NAF1: variants seen among roughly 807,000 people sequenced by gnomAD.
The protein encoded by NAF1 is nuclear assembly factor 1 ribonucleoprotein, also known as H/ACA ribonucleoprotein complex non-core subunit NAF1.
NAF1 carries 11 observed loss-of-function variants against 40.6 expected under a neutral mutation model. That is an observed-to-expected ratio of 0.27 (90% confidence interval 0.17 to 0.45). The LOEUF (loss-of-function observed/expected upper bound fraction) is 0.45, where lower values mean the gene tolerates loss of function less well. NAF1 is among the 20% of genes least tolerant of loss of function. The pLI is 1.00. For missense variants in NAF1, 607 were observed against 611.1 expected, an observed-to-expected ratio of 0.99 and a Z score of 0.07; for synonymous variants, 260 against 228.5, an observed-to-expected ratio of 1.14 and a Z score of -1.24.
chr4:163,132,628 T>C (rs1309470165), intron 7 of NAF1, among the ~76,000 whole-genome samples: 4 of 152,192 alleles, frequency 2.6e-5, no homozygotes, highest in Admixed American at 2.0e-4. Context: ...TCTCTGGTGA[T>C]GGAAATGTTG....
At chr4:163,126,847 AG>A, downstream of NAF1, 4 of 1,316,556 alleles carry the variant, frequency 3.0e-6, no homozygotes, top group South Asian at 6.6e-5. Flanking sequence ...AGCGGCCAAC[AG>A]CACTTGAGTC....
downstream of NAF1, among the ~76,000 whole-genome samples, chr4:163,122,606 A>G (rs1579128421): frequency 6.6e-6 from 1 of 152,220 alleles, no homozygotes; most frequent in Non-Finnish European, 1.5e-5. Context: ...GTATCCTACT[A>G]TAGTTTGACT....
At chr4:163,117,497 G>A (rs1730374019) in intron 2 of NAF1, 1 of 151,750 alleles carries the variant, frequency 6.6e-6, no homozygotes, top group African/African-American at 2.4e-5. Context: ...GTTGCTCCAA[G>A]AGATTTACAG....
downstream of NAF1, among the ~76,000 whole-genome samples, chr4:163,105,158 TTAAGA>T (rs1730033744): frequency 6.6e-6 from 1 of 152,194 alleles, no homozygotes; most frequent in African/African-American, 2.4e-5. Context: ...GGTGCAGAGG[TTAAGA>T]TATCAGCCAT....
At chr4:163,124,276 T>G (rs1239256749), downstream of NAF1, among the ~76,000 whole-genome samples, 2 of 152,140 alleles carry the variant, frequency 1.3e-5, no homozygotes, top group Admixed American at 1.3e-4. Context: ...TGATGGTTGC[T>G]CTCTGCTTAC....
intron 2 of NAF1, among the ~76,000 whole-genome samples, chr4:163,160,443 T>G (rs187085419): frequency 6.7e-6 from 1 of 148,572 alleles, no homozygotes; most frequent in African/African-American, 2.6e-5. Flanking sequence ...AATTATATCT[T>G]TCTAAGGTTT....
At chr4:163,112,459 C>A (rs943217985) in intron 2 of NAF1, among the ~76,000 whole-genome samples, 17 of 152,098 alleles carry the variant, frequency 1.1e-4, no homozygotes, top group African/African-American at 3.6e-4. Context: ...AGAGGAAACA[C>A]ATGGATGGAG....
chr4:163,129,346 C>T lies in NAF1; in HGVS notation c.1036G>A (p.Glu346Lys), dbSNP rs1384711416. 33 of 1,600,368 alleles carry T rather than the reference C, an allele frequency of 2.1e-5. No homozygotes were observed. The highest frequency in any genetic ancestry group is 2.8e-5 in the Non-Finnish European group (33 of 1,168,442). The change falls in exon 8 of 8, where the codon GAA becomes AAA. Residue 346 changes from glutamate (E) to lysine (K), a missense_variant and splice_region_variant. Physicochemically the swap from Glu to Lys is moderately conservative, Grantham distance 56 (BLOSUM62 1). Coordinates refer to ENST00000274054, the MANE Select transcript of NAF1 (RefSeq NM_138386.3). ...KLKSEFNEPG[E>K]DFTEVHQNWN... ...TTCTGATGTACTTCAGTAAAATCTT[C>T]ACCTTTGAGTGAGGGGAGGGAAAAC...
chr4:163,156,675 A>G (rs1490304593), intron 2 of NAF1, among the ~76,000 whole-genome samples: 2 of 152,086 alleles, frequency 1.3e-5, no homozygotes, highest in Non-Finnish European at 2.9e-5. Flanking sequence ...GGCATTAACA[A>G]TATCAATTTA....
At chr4:163,107,437 T>C (rs569998111), downstream of NAF1, among the ~76,000 whole-genome samples, 17 of 152,228 alleles carry the variant, frequency 1.1e-4, no homozygotes, top group African/African-American at 3.9e-4. Context: ...CCAGGTACAC[T>C]GTGCTCTCGC....
At chr4:163,127,430 G>A (rs902382979), downstream of NAF1, among the ~76,000 whole-genome samples, 3 of 152,058 alleles carry the variant, frequency 2.0e-5, no homozygotes, top group South Asian at 2.1e-4. Context: ...GCACCCGGCC[G>A]AAATGGACAG....
chr4:163,146,463 G>A (rs190108378), intron 3 of NAF1, among the ~76,000 whole-genome samples: 1 of 152,064 alleles, frequency 6.6e-6, no homozygotes, highest in Non-Finnish European at 1.5e-5. Context: ...TTAAAGAACT[G>A]ATCTACCATA....
intron 5 of NAF1, among the ~76,000 whole-genome samples, chr4:163,138,399 G>C (rs1295310673): frequency 6.6e-6 from 1 of 151,998 alleles, no homozygotes; most frequent in African/African-American, 2.4e-5. Flanking sequence ...TGGAATCACA[G>C]ACATAAATGG....
chr4:163,148,486 TAAA>T lies in NAF1; in HGVS notation c.541-55_541-53del, dbSNP rs754068605. On this transcript the variant is annotated intron_variant, in intron 2 of 7. Coordinates refer to ENST00000274054, the MANE Select transcript of NAF1 (RefSeq NM_138386.3). ...TAAACTTCCTCCAGCTTCAACAACT[TAAA>T]AAAAATAAATTTTCCATTTTAAGTG... is the stretch of plus-strand genomic sequence containing the variant. 6 of 1,256,782 alleles carry T rather than the reference TAAA, an allele frequency of 4.8e-6. No homozygotes were observed. The African/African-American group carries it at 7.7e-5, about 16-fold the overall frequency. The allele number at this position is 1,256,782 out of a possible 1,614,324, so 77.9% of individuals were successfully genotyped here. A position where few individuals can be genotyped will look rare whatever the true frequency, so the allele number is the denominator to read the frequency against.
chr4:163,141,828 T>C (rs1731273281), intron 4 of NAF1: 1 of 433,214 alleles, frequency 2.3e-6, no homozygotes, highest in Non-Finnish European at 3.1e-6. Context: ...TTTTATCACA[T>C]CCTCAGTTCT....
At chr4:163,105,665 T>C (rs922442673), downstream of NAF1, among the ~76,000 whole-genome samples, 1 of 152,214 alleles carries the variant, frequency 6.6e-6, no homozygotes, top group African/African-American at 2.4e-5. Context: ...CAAAATTTCA[T>C]CCCTACAAAA....
chr4:163,119,440 T>C (rs1730450615), intron 2 of NAF1: 1 of 152,144 alleles, frequency 6.6e-6, no homozygotes, highest in African/African-American at 2.4e-5. Flanking sequence ...CCATGGAATC[T>C]CCCGAGAAAA....
chr4:163,107,504 G>A (rs563696944), downstream of NAF1, among the ~76,000 whole-genome samples: 34 of 152,212 alleles, frequency 2.2e-4, no homozygotes, highest in South Asian at 5.6e-3. Context: ...GGTTTAGATC[G>A]TCTTGTAGGA....
At chr4:163,117,856 C>G (rs1730397323) in intron 2 of NAF1, among the ~76,000 whole-genome samples, 1 of 151,978 alleles carries the variant, frequency 6.6e-6, no homozygotes, top group South Asian at 2.1e-4. Flanking sequence ...GATTGATTAG[C>G]CTTAATCATT....
Sources: gnomAD v4.1 joint callset for allele counts (sites outside exome capture counted in the v4.1 genomes callset) on GRCh38, gnomAD v4.1.1 for gene constraint, MANE v1.5 for transcripts, NCBI Gene and HGNC (gene_info 2026-07-23, HGNC 2026-07-21) for gene names.